Variants in DPP10 observed in about 807,000 individuals in gnomAD.
DPP10 encodes the protein dipeptidyl peptidase like 10.
Under a neutral mutation model 120.9 loss-of-function variants are expected in DPP10, and 33 were observed. That is an observed-to-expected ratio of 0.27 (90% CI 0.21 to 0.37). The LOEUF is 0.37. Among genes scored for constraint, DPP10 ranks in the 10% least tolerant of loss-of-function variants. The probability of loss-of-function intolerance (pLI) is 1.00; values close to 1 mark genes in which losing one functional copy is unlikely to be tolerated. For missense variants in DPP10, 816 were observed against 942.8 expected, an observed-to-expected ratio of 0.87 and a Z score of 1.76; for synonymous variants, 337 against 326.1, an observed-to-expected ratio of 1.03 and a Z score of -0.36.
chr2:115,547,313 T>C (rs555318632), intron 5 of DPP10, among the ~76,000 whole-genome samples: 9 of 152,336 alleles, frequency 5.9e-5, no homozygotes, highest in East Asian at 5.8e-4. Context: ...CTAAAACCTT[T>C]TTTTATGAAA....
intron 4 of DPP10, among the ~76,000 whole-genome samples, chr2:115,520,122 G>A (rs976223076): frequency 6.6e-6 from 1 of 152,086 alleles, no homozygotes; most frequent in Non-Finnish European, 1.5e-5. Context: ...TTTGAGACCA[G>A]TCTGGCCAAC....
At chr2:115,274,760 A>C (rs2059840468) in intron 1 of DPP10, among the ~76,000 whole-genome samples, 1 of 152,240 alleles carries the variant, frequency 6.6e-6, no homozygotes, top group Non-Finnish European at 1.5e-5. Flanking sequence ...TATTGAGAGG[A>C]GTTACATAAC....
chr2:115,021,976 C>T (rs1275906259), intron 1 of DPP10, among the ~76,000 whole-genome samples: 1 of 152,018 alleles, frequency 6.6e-6, no homozygotes, highest in African/African-American at 2.4e-5. Context: ...ATGATTAAAA[C>T]CCTCAGCAAA....
intron 1 of DPP10, among the ~76,000 whole-genome samples, chr2:115,082,728 T>TTCATG (rs1435861756): frequency 6.6e-5 from 10 of 152,192 alleles, no homozygotes; most frequent in African/African-American, 2.4e-4. Context: ...ACCTACCAGC[T>TTCATG]AACTACAGAT....
At chr2:114,837,431 C>T (rs954133954) in intron 1 of DPP10, among the ~76,000 whole-genome samples, 1 of 152,100 alleles carries the variant, frequency 6.6e-6, no homozygotes, top group African/African-American at 2.4e-5. Context: ...TTTATCTTTT[C>T]CTCACAACAG....
intron 3 of DPP10, among the ~76,000 whole-genome samples, chr2:115,396,501 A>G (rs1167661889): frequency 6.6e-6 from 1 of 152,246 alleles, no homozygotes; most frequent in African/African-American, 2.4e-5. Flanking sequence ...TGTTTTAAAA[A>G]TGGAAATTCT....
chr2:115,658,289 A>G (rs2088581871), intron 5 of DPP10, among the ~76,000 whole-genome samples: 1 of 152,016 alleles, frequency 6.6e-6, no homozygotes, highest in East Asian at 1.9e-4. Flanking sequence ...CCCCTTTAGT[A>G]TCTTTTTATT....
At chr2:114,906,340 C>T (rs181147911) in intron 1 of DPP10, among the ~76,000 whole-genome samples, 6 of 150,744 alleles carry the variant, frequency 4.0e-5, no homozygotes, top group African/African-American at 1.5e-4. Flanking sequence ...GCGGAGATCG[C>T]ACCACTTCAC....
chr2:115,596,314 A>C (rs901751848), intron 5 of DPP10, among the ~76,000 whole-genome samples: 1 of 152,200 alleles, frequency 6.6e-6, no homozygotes, highest in Non-Finnish European at 1.5e-5. Flanking sequence ...AAAAACTCTT[A>C]ATTTACCAAA....
At chr2:114,955,997 A>C (rs1361562035) in intron 1 of DPP10, among the ~76,000 whole-genome samples, 1 of 152,188 alleles carries the variant, frequency 6.6e-6, no homozygotes, top group Non-Finnish European at 1.5e-5. Flanking sequence ...CATCAAACTA[A>C]ATGGTAAAAA....
At chr2:115,624,782 A>G (rs1455362954) in intron 5 of DPP10, among the ~76,000 whole-genome samples, 1 of 152,206 alleles carries the variant, frequency 6.6e-6, no homozygotes, top group Non-Finnish European at 1.5e-5. Flanking sequence ...TGAAAATACT[A>G]ATAGTGCCCT....
rs1002928687 is a variant in DPP10, at chr2:114,778,704, T to C, written c.60+335866T>C. ...CTGGAAGTGGTATATACCACTTCCATGAAAAATCCTACTGGTTTAAAATCG... is the reference window on the plus strand; with the variant it reads ...CTGGAAGTGGTATATACCACTTCCACGAAAAATCCTACTGGTTTAAAATCG... On this transcript the variant is annotated intron_variant, in intron 1 of 25. Coordinates refer to ENST00000410059, the MANE Select transcript of DPP10 (RefSeq NM_020868.6). Among the ~76,000 whole-genome samples, 4 of 151,940 alleles carry C rather than the reference T, an allele frequency of 2.6e-5. No individual in the cohort carries two copies. In the East Asian group the frequency reaches 7.7e-4, roughly 29 times the overall value.
intron 3 of DPP10, among the ~76,000 whole-genome samples, chr2:115,439,746 A>G (rs2104853800): frequency 6.6e-6 from 1 of 152,304 alleles, no homozygotes; most frequent in South Asian, 2.1e-4. Context: ...CCACACATGT[A>G]TTTATTCAGA....
chr2:115,195,812 A>C (rs899400134), intron 1 of DPP10, among the ~76,000 whole-genome samples: 1 of 152,124 alleles, frequency 6.6e-6, no homozygotes, highest in South Asian at 2.1e-4. Flanking sequence ...TCTTCCCTCC[A>C]CAAAGCAACA....
chr2:115,493,143 G>T (rs758943254), intron 3 of DPP10, among the ~76,000 whole-genome samples: 1 of 151,990 alleles, frequency 6.6e-6, no homozygotes, highest in Non-Finnish European at 1.5e-5. Context: ...GAGTGTTTGA[G>T]ATAATGGTAA....
intron 1 of DPP10, among the ~76,000 whole-genome samples, chr2:115,038,293 T>C (rs1009094440): frequency 6.6e-6 from 1 of 151,242 alleles, no homozygotes; most frequent in Non-Finnish European, 1.5e-5. Context: ...TTTTTTGAGA[T>C]GGAGTCTCGC....
intron 1 of DPP10, among the ~76,000 whole-genome samples, chr2:114,675,552 T>A: frequency 6.6e-6 from 1 of 152,138 alleles, no homozygotes; most frequent in East Asian, 1.9e-4. Flanking sequence ...CATTTCACGA[T>A]AACAAATGAA....
chr2:115,775,178 A>G (rs1308667356), intron 13 of DPP10, among the ~76,000 whole-genome samples: 1 of 152,052 alleles, frequency 6.6e-6, no homozygotes, highest in East Asian at 1.9e-4. Flanking sequence ...ATCCAATGTC[A>G]GAATTTAGAA....
chr2:114,854,092 C>T (rs1382429654), intron 1 of DPP10, among the ~76,000 whole-genome samples: 1 of 152,154 alleles, frequency 6.6e-6, no homozygotes, highest in Non-Finnish European at 1.5e-5. Context: ...ATGTTTAATA[C>T]ATATGGAAAA....
Sources: allele counts gnomAD v4.1 joint callset (sites outside exome capture counted in the v4.1 genomes callset), GRCh38; gene constraint gnomAD v4.1.1; transcripts MANE v1.5; gene names NCBI Gene and HGNC (gene_info 2026-07-23, HGNC 2026-07-21).